UVRAG: variants seen among roughly 807,000 people sequenced by gnomAD.
UVRAG encodes UV radiation resistance-associated gene protein.
UVRAG carries 19 observed loss-of-function variants against 78.0 expected under a neutral mutation model. The ratio of observed to expected loss-of-function variants is 0.24; its 90% CI spans 0.17 to 0.36. The LOEUF is 0.36. UVRAG is among the 10% of genes least tolerant of loss of function. The pLI is 1.00. For synonymous variants in UVRAG, 323 were observed against 324.6 expected (o/e 1.00, Z 0.05); for missense variants, 740 against 853.8 (o/e 0.87, Z 1.66).
At chr11:75,891,173 A>G (rs1300895055) in intron 5 of UVRAG, among the ~76,000 whole-genome samples, 1 of 152,298 alleles carries the variant, frequency 6.6e-6, no homozygotes, top group South Asian at 2.1e-4. Flanking sequence ...CCACTTTGCA[A>G]CTAGGCTTGT....
At chr11:75,818,053 C>T (rs1945299266) in intron 1 of UVRAG, among the ~76,000 whole-genome samples, 1 of 149,472 alleles carries the variant, frequency 6.7e-6, no homozygotes, top group African/African-American at 2.5e-5. Context: ...GAGTGAGACT[C>T]TATCTAAAAA....
intron 7 of UVRAG, among the ~76,000 whole-genome samples, chr11:75,974,668 A>ATGTCTTCTTTTGAGAAG: frequency 6.6e-6 from 1 of 152,150 alleles, no homozygotes; most frequent in African/African-American, 2.4e-5. Flanking sequence ...GCCCGGCCAA[A>ATGTCTTCTTTTGAGAAG]TGTCTTCTTT....
intron 5 of UVRAG, among the ~76,000 whole-genome samples, chr11:75,893,823 A>T (rs1242277354): frequency 1.3e-5 from 2 of 151,174 alleles, no homozygotes; most frequent in Non-Finnish European, 2.9e-5. Flanking sequence ...AGCCTATGTG[A>T]CAGAAAAAAA....
In UVRAG at chr11:75,865,416, C is replaced by G. The variant is rs531806015; in HGVS notation, c.270+3636C>G. Among the ~76,000 whole-genome samples the G allele has an allele frequency of 3.3e-5, 5 of 151,742 alleles. No homozygotes were observed. The East Asian group carries it at 9.7e-4, about 29-fold the overall frequency. ...ACTCCAGATCACCTGTCCAATAAAA[C>G]TTTCTGCAATGATGGTAATGTTCTA... is the stretch of plus-strand genomic sequence containing the variant. On this transcript the variant is annotated intron_variant, in intron 3 of 14. Transcript: ENST00000356136.
At chr11:76,134,913 G>A (rs1019451418) in intron 14 of UVRAG, among the ~76,000 whole-genome samples, 3 of 152,278 alleles carry the variant, frequency 2.0e-5, no homozygotes, top group African/African-American at 2.4e-5. Flanking sequence ...GAACCGGGCC[G>A]CACAGCAGGA....
intron 6 of UVRAG, among the ~76,000 whole-genome samples, chr11:75,923,028 GTTTTTC>G (rs1027553739): frequency 3.6e-5 from 5 of 140,358 alleles, no homozygotes; most frequent in African/African-American, 1.4e-4. Flanking sequence ...ATATATGTTC[GTTTTTC>G]TTTTTCTTTT....
At chr11:75,998,748 A>AG (rs1296789351) in intron 8 of UVRAG, among the ~76,000 whole-genome samples, 7 of 152,242 alleles carry the variant, frequency 4.6e-5, no homozygotes, top group Non-Finnish European at 8.8e-5. Context: ...GACCAAGTGT[A>AG]GACTAGTATG....
intron 14 of UVRAG, among the ~76,000 whole-genome samples, chr11:76,126,270 T>C (rs1365033887): frequency 6.6e-6 from 1 of 152,162 alleles, no homozygotes; most frequent in African/African-American, 2.4e-5. Flanking sequence ...AAGCTAAAAA[T>C]AAACAGGTAA....
intron 12 of UVRAG, among the ~76,000 whole-genome samples, chr11:76,057,159 G>A (rs1047051983): frequency 6.6e-6 from 1 of 152,194 alleles, no homozygotes; most frequent in African/African-American, 2.4e-5. Flanking sequence ...TATTTCAAGT[G>A]CAGTGGAAAA....
chr11:76,093,593 C>G (rs1417450666), intron 13 of UVRAG, among the ~76,000 whole-genome samples: 1 of 152,114 alleles, frequency 6.6e-6, no homozygotes, highest in African/African-American at 2.4e-5. Context: ...AAGTTAGATT[C>G]CTAGGTATTT....
chr11:76,053,756 G>A (rs1413899561), intron 12 of UVRAG, among the ~76,000 whole-genome samples: 2 of 152,116 alleles, frequency 1.3e-5, no homozygotes, highest in Non-Finnish European at 2.9e-5. Context: ...CGGATCATGA[G>A]GTCAGGAGAT....
chr11:75,990,462 A>T (rs1485661255), intron 8 of UVRAG, among the ~76,000 whole-genome samples: 1 of 152,164 alleles, frequency 6.6e-6, no homozygotes. Context: ...GTCTCATAAA[A>T]ATAGGAGCAA....
chr11:76,065,165 T>G (rs1951163791), intron 12 of UVRAG, among the ~76,000 whole-genome samples: 1 of 152,244 alleles, frequency 6.6e-6, no homozygotes, highest in Admixed American at 6.5e-5. Context: ...CACATTGCCT[T>G]AGAGAAGTTG....
chr11:75,882,678 A>G (rs954250579), intron 4 of UVRAG, among the ~76,000 whole-genome samples: 1 of 152,102 alleles, frequency 6.6e-6, no homozygotes, highest in African/African-American at 2.4e-5. Context: ...TCCTTTGACC[A>G]GCATCTTCCC....
rs527532776 is a variant in UVRAG, at chr11:75,926,297, A to G, written c.593+14258A>G. On this transcript the variant is annotated intron_variant, in intron 6 of 14. Coordinates refer to ENST00000356136, the MANE Select transcript of UVRAG (RefSeq NM_003369.4). ...GTCAAGTGTGAAGTGATTGGACCCA[A>G]TGATTCTTTCTTAGTTGGCATCCCT... Among the ~76,000 whole-genome samples the G allele has an allele frequency of 1.1e-4, 16 of 152,262 alleles. No homozygotes were observed. In the East Asian group the frequency reaches 2.3e-3, roughly 22 times the overall value.
At chr11:76,000,943 C>T (rs912352165) in intron 8 of UVRAG, among the ~76,000 whole-genome samples, 1 of 152,166 alleles carries the variant, frequency 6.6e-6, no homozygotes, top group Non-Finnish European at 1.5e-5. Flanking sequence ...CACTCATCCT[C>T]AGTGATAAAG....
chr11:75,850,151 C>T (rs1946123603), intron 1 of UVRAG, among the ~76,000 whole-genome samples: 2 of 151,946 alleles, frequency 1.3e-5, no homozygotes. Context: ...GGAAAGCACC[C>T]AGCCAGAATG....
chr11:76,140,157 C>T (rs572762467), intron 14 of UVRAG, among the ~76,000 whole-genome samples: 10 of 126,012 alleles, frequency 7.9e-5, no homozygotes, highest in East Asian at 2.5e-4. Flanking sequence ...CTCCCTCCCT[C>T]CTCTGCCAGT....
chr11:75,999,326 A>T lies in UVRAG; in HGVS notation c.827-4679A>T, dbSNP rs116664614. ...ATAAAGTAAAATGTATGAAGAATTT[A>T]AAAACTGGGAAAAGGAAGAATTGAA... On this transcript the variant is annotated intron_variant, in intron 8 of 14. Coordinates refer to ENST00000356136, the MANE Select transcript of UVRAG (RefSeq NM_003369.4). 7.1e-3 allele frequency among the ~76,000 whole-genome samples: 1,087 copies of T among 152,144 alleles called. 13 individuals are homozygous for T. Among genetic ancestry groups the T allele is most frequent in the African/African-American group, 0.025 (1,032 of 41,522 alleles).
Sources: allele counts gnomAD v4.1 joint callset (sites outside exome capture counted in the v4.1 genomes callset), GRCh38; gene constraint gnomAD v4.1.1; transcripts MANE v1.5; gene names NCBI Gene and HGNC (gene_info 2026-07-23, HGNC 2026-07-21).